DYNC2I1: variants seen among roughly 807,000 people sequenced by gnomAD.
The protein encoded by DYNC2I1 is cytoplasmic dynein 2 intermediate chain 1.
A neutral mutation model predicts 133.4 loss-of-function variants in DYNC2I1; 89 were observed. That is an observed-to-expected ratio of 0.67 (90% CI 0.56 to 0.80). The LOEUF is 0.80. Among genes scored for constraint, DYNC2I1 ranks in the 30% least tolerant of loss-of-function variants. The pLI, the probability that DYNC2I1 is intolerant of heterozygous loss-of-function variation, is 0.00. For missense variants in DYNC2I1, 1,291 were observed against 1,314.5 expected (o/e 0.98, Z 0.28); for synonymous variants, 504 against 484.3 (o/e 1.04, Z -0.54).
intron 8 of DYNC2I1, among the ~76,000 whole-genome samples, chr7:158,900,078 T>G (rs192368729): frequency 6.6e-6 from 1 of 152,256 alleles, no homozygotes; most frequent in East Asian, 1.9e-4. Context: ...CTATGCTGTC[T>G]TCTTGCTTGC....
At chr7:158,914,387 C>G (rs762224465) in intron 14 of DYNC2I1, 66 bp downstream of exon 14, 28 of 1,278,338 alleles carry the variant, frequency 2.2e-5, no homozygotes, top group African/African-American at 3.0e-5. Flanking sequence ...TACATAGAAA[C>G]ATAGGAGCTT....
At chr7:158,922,298 T>G in intron 15 of DYNC2I1, 79 bp from the exon 16 acceptor site, 1 of 1,421,628 alleles carries the variant, frequency 7.0e-7, no homozygotes, top group Non-Finnish European at 9.6e-7. Context: ...AATTTTTTTT[T>G]GAGTATTCGG....
At chr7:158,886,329 T>C (rs1844601689) in intron 6 of DYNC2I1, among the ~76,000 whole-genome samples, 1 of 151,996 alleles carries the variant, frequency 6.6e-6, no homozygotes, top group South Asian at 2.1e-4. Flanking sequence ...AGATGGGGTT[T>C]CTCCATGTTG....
chr7:158,839,585 C>T, the DYNC2I1 span, among the ~76,000 whole-genome samples: 10 of 151,790 alleles, frequency 6.6e-5, no homozygotes, highest in Non-Finnish European at 1.0e-4. Context: ...TTTGGGAGGC[C>T]GAGGCGGGTG....
intron 11 of DYNC2I1, among the ~76,000 whole-genome samples, chr7:158,907,559 C>T (rs1032109007): frequency 1.8e-4 from 27 of 151,904 alleles, no homozygotes; most frequent in African/African-American, 6.0e-4. Context: ...TTCCCTTTCC[C>T]TTTTCCTTTC....
chr7:158,877,530 A>T (rs1347282823), intron 4 of DYNC2I1, among the ~76,000 whole-genome samples: 7 of 152,244 alleles, frequency 4.6e-5, no homozygotes, highest in African/African-American at 1.7e-4. Flanking sequence ...GTAATTATTT[A>T]TATCATCAGA....
intron 23 of DYNC2I1, among the ~76,000 whole-genome samples, chr7:158,938,365 C>G (rs1732267516): frequency 6.6e-6 from 1 of 152,128 alleles, no homozygotes; most frequent in South Asian, 2.1e-4. Context: ...AATACCGTAT[C>G]CAGCAAAACT....
At chr7:158,844,698 C>A in the DYNC2I1 span, among the ~76,000 whole-genome samples, 1 of 152,046 alleles carries the variant, frequency 6.6e-6, no homozygotes. Context: ...TCTTGGCTCA[C>A]CACAACCTCC....
intron 20 of DYNC2I1, 59 bp from the exon 21 acceptor site, chr7:158,930,396 C>T: frequency 7.0e-7 from 1 of 1,434,338 alleles, no homozygotes; most frequent in Non-Finnish European, 9.7e-7. Context: ...GCAACTATAA[C>T]TAGATTTTGA....
At chr7:158,914,927 A>G (rs537967744) in intron 14 of DYNC2I1, among the ~76,000 whole-genome samples, 17 of 152,384 alleles carry the variant, frequency 1.1e-4, no homozygotes, top group African/African-American at 3.6e-4. Flanking sequence ...GTAATAACTT[A>G]TAATGCAGTC....
chr7:158,941,984 G>T lies in DYNC2I1; in HGVS notation c.2838G>T (p.Leu946=), dbSNP rs758833195. 5.6e-6 allele frequency: 9 copies of T among 1,613,186 alleles called. No homozygotes were observed. The change falls in exon 24 of 25, where the codon CTG becomes CTT. Residue 946 remains leucine (L), a synonymous_variant. Transcript: ENST00000407559. ...LHQLSSAFPL[L]QWDSSTDSHA... Reference sequence around the variant, plus strand: ...AGCTGAGCTCCGCGTTTCCGCTCCTGCAGTGGGACAGCAGCACGGACAGCC... The same window carrying T: ...AGCTGAGCTCCGCGTTTCCGCTCCTTCAGTGGGACAGCAGCACGGACAGCC...
Position 158,924,059 on chromosome 7 carries a change from C to T in DYNC2I1, c.2257+326C>T, listed in dbSNP as rs56138655. Among the ~76,000 whole-genome samples the T allele has an allele frequency of 6.7e-3, 1,020 of 152,300 alleles. 4 individuals are homozygous for T. The highest frequency in any genetic ancestry group is 0.01 in the Non-Finnish European group (703 of 68,036). On this transcript the variant is annotated intron_variant, in intron 17 of 24. Transcript: ENST00000407559. Reference sequence around the variant, plus strand: ...TCAGGGCAAAGATAGCTCACACTCACGTGAGCAAAGCCAGTCACCCTGAGG... The same window carrying T: ...TCAGGGCAAAGATAGCTCACACTCATGTGAGCAAAGCCAGTCACCCTGAGG...
chr7:158,911,512 C>T (rs1243679093), intron 11 of DYNC2I1, 38 bp from the exon 12 acceptor site: 3 of 1,602,768 alleles, frequency 1.9e-6, no homozygotes, highest in Non-Finnish European at 2.6e-6. Context: ...GTATATTATT[C>T]GAGTTAATTT....
chr7:158,861,388 C>T (rs76689482), intron 1 of DYNC2I1, among the ~76,000 whole-genome samples: 2,728 of 152,244 alleles, frequency 0.018, 86 homozygotes, highest in East Asian at 0.12. Context: ...TCCCCTAGCC[C>T]GGGTTCTCCC....
chr7:158,913,332 C>G (rs950990298), intron 13 of DYNC2I1, among the ~76,000 whole-genome samples: 2 of 152,146 alleles, frequency 1.3e-5, no homozygotes, highest in African/African-American at 2.4e-5. Context: ...TGTGCCATTG[C>G]CAGGATTTAT....
chr7:158,864,071 G>GGT (rs146508817), intron 1 of DYNC2I1, among the ~76,000 whole-genome samples: 61 of 131,188 alleles, frequency 4.6e-4, no homozygotes, highest in African/African-American at 1.3e-3. Flanking sequence ...CTTAGCTCCC[G>GGT]GTGTGTGTGT....
At chr7:158,914,405 C>T (rs1344618748) in intron 14 of DYNC2I1, 84 bp downstream of exon 14, 4 of 1,074,612 alleles carry the variant, frequency 3.7e-6, no homozygotes, top group African/African-American at 1.6e-5. Context: ...CTTTTAAGAT[C>T]TTAAAGTCTT....
chr7:158,953,928 C>T (rs1208230995), intron 4 of DYNC2I1, among the ~76,000 whole-genome samples: 1 of 151,988 alleles, frequency 6.6e-6, no homozygotes, highest in Non-Finnish European at 1.5e-5. Context: ...TTGTATAAAA[C>T]CTATTGCTGT....
chr7:158,900,490 G>A (rs1316224064), intron 8 of DYNC2I1, among the ~76,000 whole-genome samples: 2 of 152,046 alleles, frequency 1.3e-5, no homozygotes, highest in Admixed American at 6.6e-5. Flanking sequence ...TCAGGATTTT[G>A]TCCTTATCTG....
Sources: gnomAD v4.1 joint callset for allele counts (sites outside exome capture counted in the v4.1 genomes callset) on GRCh38, gnomAD v4.1.1 for gene constraint, MANE v1.5 for transcripts, NCBI Gene and HGNC (gene_info 2026-07-23, HGNC 2026-07-21) for gene names.